Variants in PCDH9 observed in about 807,000 individuals in gnomAD.
The protein encoded by PCDH9 is protocadherin-9.
Under a neutral mutation model 70.6 loss-of-function variants are expected in PCDH9, and 24 were observed. The observed-to-expected ratio is 0.34, with a 90% CI of 0.25 to 0.48. PCDH9 has a LOEUF of 0.48. Among genes scored for constraint, PCDH9 ranks in the 20% least tolerant of loss-of-function variants. The pLI is 0.99. For synonymous variants in PCDH9, 562 were observed against 558.5 expected, an observed-to-expected ratio of 1.01 and a Z score of -0.09; for missense variants, 1,281 against 1,503.6, an observed-to-expected ratio of 0.85 and a Z score of 2.45.
In PCDH9 at chr13:66,641,461, A is replaced by C. The variant is rs555807766; in HGVS notation, c.3139-10050T>G. Among the ~76,000 whole-genome samples, 14 of 152,292 alleles carry C rather than the reference A, an allele frequency of 9.2e-5. 1 individual carries two copies. The highest frequency in any genetic ancestry group is 8.5e-4 in the Admixed American group (13 of 15,304). ...AAATGTAGGTAAAGATCCTAATTAC[A>C]CTCGCAGTGTATGGAAATATGTGCG... is the stretch of plus-strand genomic sequence containing the variant. On this transcript the variant is annotated intron_variant, in intron 3 of 4. Coordinates refer to ENST00000377865, the MANE Select transcript of PCDH9 (RefSeq NM_203487.3).
rs377182294 is a variant in PCDH9, at chr13:66,797,097, T to G, written c.3138+106407A>C. Among the ~76,000 whole-genome samples the G allele has an allele frequency of 5.3e-5, 8 of 152,206 alleles. 1 individual carries two copies. Among genetic ancestry groups the G allele is most frequent in the African/African-American group, 1.9e-4 (8 of 41,562 alleles). ...GTTAGGGAAGTGGACAAAGAAATAATTAAGGGGATAGTTCCACACCATAAT... is the reference window on the plus strand; with the variant it reads ...GTTAGGGAAGTGGACAAAGAAATAAGTAAGGGGATAGTTCCACACCATAAT... On this transcript the variant is annotated intron_variant, in intron 3 of 4. Transcript: ENST00000377865.
intron 3 of PCDH9, chr13:66,825,321 A>G (rs1200827113): frequency 7.1e-6 from 1 of 140,894 alleles, no homozygotes; most frequent in East Asian, 2.1e-4. Flanking sequence ...CTAATAGCAT[A>G]GTGTTATAAA....
At chr13:66,798,301 A>G (rs758225752) in intron 3 of PCDH9, among the ~76,000 whole-genome samples, 33 of 152,138 alleles carry the variant, frequency 2.2e-4, no homozygotes, top group Non-Finnish European at 3.7e-4. Flanking sequence ...TGATTTAAAA[A>G]TATCAACTTT....
chr13:66,505,917 G>A (rs1168297305), intron 4 of PCDH9, among the ~76,000 whole-genome samples: 1 of 152,082 alleles, frequency 6.6e-6, no homozygotes, highest in Admixed American at 6.6e-5. Context: ...AAGTAGCTGG[G>A]ACTACAGGTG....
intron 2 of PCDH9, among the ~76,000 whole-genome samples, chr13:66,974,999 G>T (rs2083589606): frequency 6.6e-6 from 1 of 151,946 alleles, no homozygotes; most frequent in South Asian, 2.1e-4. Flanking sequence ...AGATGCTTAG[G>T]TTTTTACTCC....
intron 4 of PCDH9, among the ~76,000 whole-genome samples, chr13:66,553,454 G>A (rs1961587122): frequency 6.6e-6 from 1 of 152,130 alleles, no homozygotes; most frequent in African/African-American, 2.4e-5. Flanking sequence ...GTACTAAATT[G>A]TAGTATGTCG....
At chr13:66,943,528 A>G (rs2083039691) in intron 2 of PCDH9, among the ~76,000 whole-genome samples, 1 of 152,090 alleles carries the variant, frequency 6.6e-6, no homozygotes, top group African/African-American at 2.4e-5. Context: ...AACTTAGAAA[A>G]TTTGAAATTA....
rs144576464 is a variant in PCDH9 at position 66,601,390 on chromosome 13, A to C, written c.3340+29820T>G. Among the ~76,000 whole-genome samples the C allele has an allele frequency of 7.5e-5, 11 of 146,268 alleles. No homozygotes were observed. The East Asian group carries it at 2.1e-3, about 28-fold the overall frequency. ...TTTTTGCTAGAGAATTACATTGGCT[A>C]CTTATATATGGTACAAGTGCAATTA... On this transcript the variant is annotated intron_variant, in intron 4 of 4. Transcript: ENST00000377865.
intron 2 of PCDH9, among the ~76,000 whole-genome samples, chr13:67,055,614 C>T (rs944247210): frequency 2.0e-5 from 3 of 147,062 alleles, no homozygotes; most frequent in African/African-American, 7.6e-5. Context: ...GTGTTCAAGC[C>T]TAGGCAACAT....
intron 4 of PCDH9, among the ~76,000 whole-genome samples, chr13:66,425,367 A>C (rs1441261821): frequency 6.6e-6 from 1 of 151,656 alleles, no homozygotes; most frequent in African/African-American, 2.4e-5. Flanking sequence ...GTAACCTCCT[A>C]TCACACCGAC....
intron 3 of PCDH9, among the ~76,000 whole-genome samples, chr13:66,672,166 C>A (rs1490497183): frequency 6.6e-6 from 1 of 152,190 alleles, no homozygotes; most frequent in Non-Finnish European, 1.5e-5. Context: ...TCAGAGGGTG[C>A]AAGCCCCAAA....
intron 2 of PCDH9, among the ~76,000 whole-genome samples, chr13:66,966,955 C>G (rs537941493): frequency 6.6e-6 from 1 of 151,934 alleles, no homozygotes; most frequent in Admixed American, 6.6e-5. Flanking sequence ...AAAAGCAGAC[C>G]GTAGTCTGAC....
At chr13:66,873,405 T>C (rs2081734699) in intron 3 of PCDH9, among the ~76,000 whole-genome samples, 1 of 152,156 alleles carries the variant, frequency 6.6e-6, no homozygotes. Flanking sequence ...ATAGTGAATG[T>C]CAAACAATCC....
At position 66,336,569 on chromosome 13, in the gene PCDH9, T is replaced by A. The variant is rs377607522; in HGVS notation, c.3341-31541A>T. On this transcript the variant is annotated intron_variant, in intron 4 of 4. Transcript: ENST00000377865. Reference sequence around the variant, plus strand: ...ATGCTTTTAAAAATGCCAAATAACCTTTGATGGACCCTCTATAAAGAAAAA... The same window carrying A: ...ATGCTTTTAAAAATGCCAAATAACCATTGATGGACCCTCTATAAAGAAAAA... Among the ~76,000 whole-genome samples the A allele has an allele frequency of 1.1e-3, 174 of 152,198 alleles. 5 individuals carry two copies. The South Asian group carries it at 0.035, about 31-fold the overall frequency.
intron 4 of PCDH9, among the ~76,000 whole-genome samples, chr13:66,356,545 C>A (rs927820750): frequency 2.6e-5 from 4 of 151,608 alleles, no homozygotes; most frequent in Admixed American, 2.6e-4. Flanking sequence ...CGGTGTTTTT[C>A]ACTCCAAAAA....
At chr13:66,779,847 C>CTATATATATATATATATATA (rs1282944249) in intron 3 of PCDH9, among the ~76,000 whole-genome samples, 1 of 59,700 alleles carries the variant, frequency 1.7e-5, no homozygotes, top group Non-Finnish European at 3.2e-5. Flanking sequence ...CTCTCTCTCT[C>CTATATATATATATATATATA]TCTATATATA....
chr13:66,383,509 T>C (rs573563035), intron 4 of PCDH9, among the ~76,000 whole-genome samples: 36 of 152,332 alleles, frequency 2.4e-4, no homozygotes, highest in African/African-American at 8.2e-4. Flanking sequence ...GCTACCTAGT[T>C]ACTCCAGCTG....
chr13:66,648,069 T>G (rs2077796561), intron 3 of PCDH9, among the ~76,000 whole-genome samples: 1 of 152,206 alleles, frequency 6.6e-6, no homozygotes, highest in South Asian at 2.1e-4. Flanking sequence ...TCCTAAGGTT[T>G]TCAATTCCAG....
intron 3 of PCDH9, among the ~76,000 whole-genome samples, chr13:66,790,538 T>A (rs975680751): frequency 1.3e-5 from 2 of 152,082 alleles, no homozygotes; most frequent in Non-Finnish European, 2.9e-5. Context: ...TAAAGTCTAT[T>A]TGTTTTGCAT....
Sources: gnomAD v4.1 joint callset for allele counts (sites outside exome capture counted in the v4.1 genomes callset) on GRCh38, gnomAD v4.1.1 for gene constraint, MANE v1.5 for transcripts, NCBI Gene and HGNC (gene_info 2026-07-23, HGNC 2026-07-21) for gene names.